CPSF4L: variants seen among roughly 807,000 people sequenced by gnomAD.
CPSF4L encodes cleavage and polyadenylation specific factor 4 like.
Under a neutral mutation model 24.0 loss-of-function variants are expected in CPSF4L, and 18 were observed. That is an observed-to-expected ratio of 0.75 (90% CI 0.52 to 1.11). CPSF4L has a LOEUF of 1.11. Among genes scored for constraint, CPSF4L ranks in the 50% least tolerant of loss-of-function variants. The pLI is 0.00. For missense variants in CPSF4L, 211 were observed against 221.8 expected, an observed-to-expected ratio of 0.95 and a Z score of 0.31; for synonymous variants, 72 against 77.2, an observed-to-expected ratio of 0.93 and a Z score of 0.35.
At chr17:73,248,311 CG>C, downstream of CPSF4L, 1 of 604,086 alleles carries the variant, frequency 1.7e-6, no homozygotes, top group Non-Finnish European at 3.0e-6. Flanking sequence ...AGGTGTGAGG[CG>C]GGGTAACTAC....
intron 3 of CPSF4L, among the ~76,000 whole-genome samples, chr17:73,256,092 T>C (rs1438967925): frequency 6.6e-6 from 1 of 152,196 alleles, no homozygotes; most frequent in Non-Finnish European, 1.5e-5. Context: ...AAGTCTGTCC[T>C]CTACTAATTG....
chr17:73,246,015 T>C (rs1368537379), downstream of CPSF4L, among the ~76,000 whole-genome samples: 6 of 152,316 alleles, frequency 3.9e-5, no homozygotes, highest in Admixed American at 1.3e-4. Context: ...GTCTGATTTT[T>C]TGACTTCTGC....
intron 5 of CPSF4L, chr17:73,251,253 C>T: frequency 1.0e-6 from 1 of 972,164 alleles, no homozygotes; most frequent in Non-Finnish European, 1.4e-6. Context: ...GTGCCAAAAG[C>T]ATACCTTTCC....
intron 5 of CPSF4L, 124 bp from the exon 6 acceptor site, chr17:73,248,660 T>A (rs2061985631): frequency 1.0e-6 from 1 of 975,748 alleles, no homozygotes; most frequent in Non-Finnish European, 1.6e-6. Context: ...GAGGACGTAT[T>A]TGAAGGTTCT....
the CPSF4L span, chr17:73,242,876 C>T: frequency 3.8e-6 from 6 of 1,596,978 alleles, no homozygotes; most frequent in East Asian, 4.5e-5. Context: ...TAACAACAAG[C>T]CGTGTTTCCT....
chr17:73,242,471 T>C, the CPSF4L span: 5,104 of 637,700 alleles, frequency 8.0e-3, 209 homozygotes, highest in African/African-American at 0.085. Flanking sequence ...ATGTGTGTTG[T>C]CTTCCTAGTT....
chr17:73,247,288 A>G (rs2061964387), downstream of CPSF4L: 1 of 1,614,170 alleles, frequency 6.2e-7, no homozygotes, highest in Non-Finnish European at 8.5e-7. Context: ...ACCTCCATGC[A>G]TTGGTGTGGC....
At chr17:73,260,427 C>A (rs1022337166) in intron 2 of CPSF4L, among the ~76,000 whole-genome samples, 2 of 152,154 alleles carry the variant, frequency 1.3e-5, no homozygotes, top group African/African-American at 4.8e-5. Flanking sequence ...GGGCAGGCTG[C>A]TCGGTGGATC....
intron 3 of CPSF4L, among the ~76,000 whole-genome samples, chr17:73,256,073 T>C (rs969031253): frequency 6.6e-6 from 1 of 152,216 alleles, no homozygotes; most frequent in African/African-American, 2.4e-5. Flanking sequence ...CTTGTAATCA[T>C]GGGCTTACAA....
chr17:73,243,983 T>C (rs1406432271), downstream of CPSF4L, among the ~76,000 whole-genome samples: 1 of 152,194 alleles, frequency 6.6e-6, no homozygotes, highest in African/African-American at 2.4e-5. Context: ...GAAGGAGGAA[T>C]AGAATACAGC....
At chr17:73,251,053 C>T in intron 5 of CPSF4L, 3 of 1,549,964 alleles carry the variant, frequency 1.9e-6, no homozygotes, top group Non-Finnish European at 2.6e-6. Flanking sequence ...GGTTTCCAAG[C>T]TTCCACAGCA....
At chr17:73,260,300 C>G (rs190774804) in intron 2 of CPSF4L, among the ~76,000 whole-genome samples, 1 of 152,156 alleles carries the variant, frequency 6.6e-6, no homozygotes, top group Non-Finnish European at 1.5e-5. Flanking sequence ...AGCTCAGACA[C>G]ACGCCCATCC....
chr17:73,245,556 C>T (rs1461761681), downstream of CPSF4L: 3 of 985,220 alleles, frequency 3.0e-6, no homozygotes, highest in African/African-American at 5.2e-5. Flanking sequence ...CATTACCATT[C>T]AGCTATATGA....
Position 73,248,526 on chromosome 17 carries a change from C to G in CPSF4L, c.508G>C (p.Glu170Gln). 1 of 1,551,654 alleles carries G rather than the reference C, an allele frequency of 6.4e-7. No individual in the cohort carries two copies. The highest frequency in any genetic ancestry group is 8.7e-7 in the Non-Finnish European group (1 of 1,146,962). The change falls in exon 6 of 6, where the codon GAA becomes CAA. Residue 170 changes from glutamate (E) to glutamine (Q), a missense_variant. Glu to Gln is a conservative substitution (Grantham distance 29, BLOSUM62 2). Coordinates refer to ENST00000344935, the MANE Select transcript of CPSF4L (RefSeq NM_001129885.1). ...TTGCTTCCAGGCAGCAGCTTGAATTCCCGAATCTTCCTGCAAGGTGCATAC... is the reference window on the plus strand; with the variant it reads ...TTGCTTCCAGGCAGCAGCTTGAATTGCCGAATCTTCCTGCAAGGTGCATAC... ...PKCQFAQKIR[E>Q]FKLLPGSKI is the part of the protein sequence containing the mutation.
At chr17:73,261,954 G>T (rs2062048467), upstream of CPSF4L, 3 of 656,244 alleles carry the variant, frequency 4.6e-6, no homozygotes, top group African/African-American at 3.6e-5. Context: ...CCAGGTGACT[G>T]CAGGGGACGC....
downstream of CPSF4L, chr17:73,244,528 T>C (rs1458703898): frequency 8.5e-6 from 1 of 117,468 alleles, no homozygotes. Context: ...GCGCCACTAC[T>C]CCAGCCTGGG....
At chr17:73,256,352 A>G (rs551751104) in intron 3 of CPSF4L, among the ~76,000 whole-genome samples, 2 of 152,340 alleles carry the variant, frequency 1.3e-5, no homozygotes, top group South Asian at 4.1e-4. Context: ...AGGAAATGGA[A>G]TATTAGCCTG....
chr17:73,261,596 G>T, intron 1 of CPSF4L, 120 bp downstream of exon 1: 1 of 717,680 alleles, frequency 1.4e-6, no homozygotes, highest in Non-Finnish European at 2.4e-6. Context: ...AGGAGGCAGA[G>T]CTTGCAATGA....
intron 5 of CPSF4L, chr17:73,250,937 A>G: frequency 2.1e-6 from 3 of 1,454,140 alleles, no homozygotes; most frequent in Non-Finnish European, 2.7e-6. Flanking sequence ...GCTCTCAGCC[A>G]AGCACTAGCC....
Sources: allele counts gnomAD v4.1 joint callset (sites outside exome capture counted in the v4.1 genomes callset), GRCh38; gene constraint gnomAD v4.1.1; transcripts MANE v1.5; gene names NCBI Gene and HGNC (gene_info 2026-07-23, HGNC 2026-07-21).